PRDM15: variants seen among roughly 807,000 people sequenced by gnomAD.
The protein encoded by PRDM15 is PR/SET domain 15.
Under a neutral mutation model 128.6 loss-of-function variants are expected in PRDM15, and 64 were observed. The ratio of observed to expected loss-of-function variants is 0.50; its 90% CI spans 0.41 to 0.61. The LOEUF (loss-of-function observed/expected upper bound fraction) is 0.61, where lower values mean the gene tolerates loss of function less well. Ranked by LOEUF, PRDM15 falls within the 20% of genes least tolerant of loss-of-function variation. PRDM15 has a pLI of 0.00. For missense variants in PRDM15, 1,242 were observed against 1,569.1 expected, an observed-to-expected ratio of 0.79 and a Z score of 3.52; for synonymous variants, 615 against 621.8, an observed-to-expected ratio of 0.99 and a Z score of 0.16.
intron 21 of PRDM15, among the ~76,000 whole-genome samples, chr21:41,806,000 C>T (rs1386928024): frequency 1.4e-4 from 11 of 76,188 alleles, no homozygotes; most frequent in Middle Eastern, 7.7e-3. Context: ...ACCACCACCA[C>T]CACCATCACC....
At chr21:41,871,414 A>T in intron 1 of PRDM15, 1 of 1,310,494 alleles carries the variant, frequency 7.6e-7, no homozygotes, top group Non-Finnish European at 1.0e-6. Flanking sequence ...GTCCCTCTTA[A>T]GCAGCAGCTG....
At chr21:41,806,530 A>AC (rs1555857709) in intron 21 of PRDM15, among the ~76,000 whole-genome samples, 714 of 6,516 alleles carry the variant, frequency 0.11, 43 homozygotes, top group Middle Eastern at 0.75. Context: ...CATCACCACC[A>AC]CCATCACTAC....
intron 9 of PRDM15, 87 bp downstream of exon 9, chr21:41,836,380 CA>C: frequency 7.0e-7 from 1 of 1,426,434 alleles, no homozygotes; most frequent in Non-Finnish European, 9.6e-7. Flanking sequence ...GGAGACGACC[CA>C]AGGAGGGGAG....
intron 1 of PRDM15, among the ~76,000 whole-genome samples, chr21:41,869,724 C>T (rs760141898): frequency 3.2e-4 from 48 of 152,186 alleles, no homozygotes; most frequent in Non-Finnish European, 1.3e-4. Context: ...GGATTACAGG[C>T]GTGAGCCACC....
rs375170340 is a variant in PRDM15 at position 41,835,179 on chromosome 21, C to T, written c.1366+258G>A. Among the ~76,000 whole-genome samples, 28 of 152,322 alleles carry T rather than the reference C, an allele frequency of 1.8e-4. No homozygotes were observed. In the East Asian group the frequency reaches 4.6e-3, roughly 25 times the overall value. On this transcript the variant is annotated intron_variant, in intron 11 of 23. Transcript: ENST00000398548. The stretch of plus-strand genomic sequence containing the variant: ...CAGAACGGACCCCGGCTTTACAATG[C>T]TCTCAGTGTGGGGCCATACGCAGCT...
In PRDM15 at chr21:41,823,465, C is replaced by T. The variant is rs769418500; in HGVS notation, c.1630-16G>A. 1.3e-6 allele frequency: 2 copies of T among 1,547,446 alleles called. No individual in the cohort carries two copies. The highest frequency in any genetic ancestry group is 1.7e-6 in the Non-Finnish European group (2 of 1,146,374). On this transcript the variant is annotated splice_polypyrimidine_tract_variant and intron_variant, in intron 13 of 23. Coordinates refer to ENST00000398548, the MANE Select transcript of PRDM15 (RefSeq NM_001040424.3). ...AGGAGAACACCTGTGGCAGAGGAGC[C>T]GCATGGTGAGGGGCTGCGGCGTCTC...
chr21:41,820,612 G>A (rs1027245033), intron 16 of PRDM15, among the ~76,000 whole-genome samples: 3 of 152,176 alleles, frequency 2.0e-5, no homozygotes, highest in African/African-American at 7.2e-5. Flanking sequence ...CTGAGCTCCC[G>A]CCTCCAGGAC....
Position 41,874,525 on chromosome 21 carries a change from A to ATATATATATTTTTTTT in PRDM15, c.-10+4744_-10+4745insAAAAAAAATATATATA. ...TGCATATATATATATATATATATAT[A>ATATATATATTTTTTTT]TTTTTTTTTTTTTTTGAAACTTACA... On this transcript the variant is annotated intron_variant, in intron 1 of 23. Transcript: ENST00000398548. Among the ~76,000 whole-genome samples the ATATATATATTTTTTTT allele has an allele frequency of 2.4e-4, 23 of 95,810 alleles. No homozygotes were observed. The South Asian group carries it at 4.0e-3, about 17-fold the overall frequency. The allele number at this position is 95,810 out of a possible 152,430, so 62.9% of individuals were successfully genotyped here. A position where few individuals can be genotyped will look rare whatever the true frequency, so the allele number is the denominator to read the frequency against.
chr21:41,878,674 G>T, intron 1 of PRDM15: 3 of 1,513,746 alleles, frequency 2.0e-6, no homozygotes, highest in South Asian at 1.2e-5. Context: ...AAGGCGCAGG[G>T]GGTCTGGGAG....
At chr21:41,806,498 C>T (rs2061648471) in intron 21 of PRDM15, among the ~76,000 whole-genome samples, 1 of 69,330 alleles carries the variant, frequency 1.4e-5, no homozygotes. Context: ...ACCACCATCA[C>T]CACCATCACC....
rs2061840374 is a variant in PRDM15 at position 41,810,812 on chromosome 21, A to G, written c.2417T>C (p.Leu806Ser). The stretch of plus-strand genomic sequence containing the variant: ...CCTCTCGCTGAATGTCTTCCCACAC[A>G]ATTCACACATGAAATCTTTAATCCC... ...HTGIKDFMCE[L>S]CGKTFSERNT... The change falls in exon 20 of 24, where the codon TTG becomes TCG. Residue 806 changes from leucine (L) to serine (S), a missense_variant. This residue lies in a region of PRDM15 where 602 missense variants were observed against 788.3 expected (regional missense o/e 0.76). Coordinates refer to ENST00000398548, the MANE Select transcript of PRDM15 (RefSeq NM_001040424.3). This position sits in a 1 kb window ranked among gnomAD's most constrained non-coding sequence, Gnocchi z 6.4. 1.2e-6 allele frequency: 2 copies of G among 1,614,034 alleles called. No individual in the cohort carries two copies. Among genetic ancestry groups the G allele is most frequent in the African/African-American group, 1.3e-5 (1 of 74,922 alleles).
chr21:41,818,300 A>AAGGC (rs1174939522), intron 18 of PRDM15, among the ~76,000 whole-genome samples: 1 of 152,196 alleles, frequency 6.6e-6, no homozygotes, highest in Non-Finnish European at 1.5e-5. Context: ...CTGTCCCGCT[A>AAGGC]AGGCAGGCAG....
At chr21:41,805,819 TTACCAA>T (rs2061546061) in intron 21 of PRDM15, among the ~76,000 whole-genome samples, 2 of 60,332 alleles carry the variant, frequency 3.3e-5, no homozygotes, top group African/African-American at 1.3e-4. Flanking sequence ...TCCATCACCA[TTACCAA>T]CACCATCACC....
In PRDM15 at chr21:41,835,425, C is replaced by T. The variant is rs373384945; in HGVS notation, c.1366+12G>A. On this transcript the variant is annotated intron_variant, in intron 11 of 23. Coordinates refer to ENST00000398548, the MANE Select transcript of PRDM15 (RefSeq NM_001040424.3). ...CACAGCGGCCGAGGGGAGACGTGACCGGCGCCCTCACCTGTCCTGCAGTTG... is the reference window on the plus strand; with the variant it reads ...CACAGCGGCCGAGGGGAGACGTGACTGGCGCCCTCACCTGTCCTGCAGTTG... 33 of 1,601,764 alleles carry T rather than the reference C, an allele frequency of 2.1e-5. No individual in the cohort carries two copies. Among genetic ancestry groups the T allele is most frequent in the South Asian group, 3.3e-5 (3 of 90,986 alleles).
intron 18 of PRDM15, among the ~76,000 whole-genome samples, chr21:41,817,818 GTAAAA>G (rs1257302551): frequency 1.8e-4 from 28 of 152,330 alleles, no homozygotes; most frequent in African/African-American, 6.5e-4. Context: ...TTGGTATTCT[GTAAAA>G]TAAATCTGGC....
In PRDM15 at chr21:41,813,043, G is replaced by C. The variant is rs1029352184; in HGVS notation, c.2393-2207C>G. ...AAGTGCTCACATCAGCTCACGTCTG[G>C]GGGGCTCTGGGGGGTCAGGGGCAAG... On this transcript the variant is annotated intron_variant, in intron 19 of 23. Coordinates refer to ENST00000398548, the MANE Select transcript of PRDM15 (RefSeq NM_001040424.3). The C allele has an allele frequency of 6.6e-5, 10 of 152,574 alleles. 2 individuals carry two copies. Among genetic ancestry groups the C allele is most frequent in the Admixed American group, 1.3e-4 (2 of 15,298 alleles). The allele number at this position is 152,574 out of a possible 1,614,324, so 9.5% of individuals were successfully genotyped here. A position where few individuals can be genotyped will look rare whatever the true frequency, so the allele number is the denominator to read the frequency against.
In PRDM15 at chr21:41,815,760, G is replaced by A. The variant is rs147946828; in HGVS notation, c.2337C>T (p.Cys779=). ...KGIKEYECKE[C]HRRFAQKVNM... ...TGACCTTCTGCGCGAACCTGCGGTG[G>A]CACTCCTTGCACTCGTACTCCTTGA... Residue 779 remains cysteine, a synonymous_variant, in exon 19 of 24, where the codon TGC becomes TGT. Coordinates refer to ENST00000398548, the MANE Select transcript of PRDM15 (RefSeq NM_001040424.3). 4.1e-4 allele frequency: 663 copies of A among 1,614,076 alleles called. 5 individuals are homozygous for A. The Middle Eastern group carries it at 9.7e-3, about 24-fold the overall frequency.
In PRDM15 at chr21:41,821,879, C is replaced by T. The variant is rs2062282967; in HGVS notation, c.1896+24G>A. The T allele has an allele frequency of 4.3e-6, 7 of 1,612,652 alleles. No homozygotes were observed. The highest frequency in any genetic ancestry group is 5.9e-6 in the Non-Finnish European group (7 of 1,179,962). On this transcript the variant is annotated intron_variant, in intron 15 of 23. Transcript: ENST00000398548. The surrounding 1 kb of genome is among the most constrained non-coding windows in gnomAD (Gnocchi z 5.4). ...CACCTTCCTCTCCAGACCACCCAGGCACCGCGGGGCAAACCCGCCATACCT... is the reference window on the plus strand; with the variant it reads ...CACCTTCCTCTCCAGACCACCCAGGTACCGCGGGGCAAACCCGCCATACCT...
intron 1 of PRDM15, chr21:41,874,728 G>C (rs1008862591): frequency 7.2e-5 from 11 of 151,952 alleles, no homozygotes; most frequent in African/African-American, 2.7e-4. Context: ...GCATCACTTA[G>C]TCAAGGTTTA....
Sources: gnomAD v4.1 joint callset for allele counts (sites outside exome capture counted in the v4.1 genomes callset) on GRCh38, gnomAD v4.1.1 for gene constraint, gnomAD v4.1.1 regional missense constraint, Gnocchi (gnomAD v3.1) non-coding constraint, MANE v1.5 for transcripts, NCBI Gene and HGNC (gene_info 2026-07-23, HGNC 2026-07-21) for gene names.